Variants in FBXL7 observed in about 807,000 individuals in gnomAD.
The protein encoded by FBXL7 is F-box/LRR-repeat protein 7.
FBXL7 carries 12 observed loss-of-function variants against 38.3 expected under a neutral mutation model. The ratio of observed to expected loss-of-function variants is 0.31; its 90% CI spans 0.20 to 0.51. FBXL7 has a LOEUF of 0.51. FBXL7 is among the 20% of genes least tolerant of loss of function. FBXL7 has a pLI of 0.98. For missense variants in FBXL7, 567 were observed against 676.4 expected (o/e 0.84, Z 1.79); for synonymous variants, 297 against 300.9 (o/e 0.99, Z 0.13).
At chr5:15,608,597 T>G (rs559086093) in intron 1 of FBXL7, among the ~76,000 whole-genome samples, 1 of 152,210 alleles carries the variant, frequency 6.6e-6, no homozygotes, top group East Asian at 1.9e-4. Flanking sequence ...GGACTTTAAG[T>G]AAAGGAGATT....
chr5:15,703,201 A>C (rs954524257), intron 2 of FBXL7, among the ~76,000 whole-genome samples: 3 of 152,216 alleles, frequency 2.0e-5, no homozygotes, highest in African/African-American at 4.8e-5. Flanking sequence ...AATACTGCTA[A>C]ATGGAGCTTA....
At position 15,624,936 on chromosome 5, in the gene FBXL7, CTT is replaced by C. The variant is rs1185582185; in HGVS notation, c.127+8865_127+8866del. Among the ~76,000 whole-genome samples, 28 of 150,054 alleles carry C rather than the reference CTT, an allele frequency of 1.9e-4. 1 individual carries two copies. The highest frequency in any genetic ancestry group is 1.5e-5 in the Non-Finnish European group (1 of 67,788). ...GTCTGGCTTCTTGATCTCTCTCTCTCTTGCTTCCTCTCTTGCCACTTGATCTC... is the reference window on the plus strand; with the variant it reads ...GTCTGGCTTCTTGATCTCTCTCTCTCGCTTCCTCTCTTGCCACTTGATCTC... On this transcript the variant is annotated intron_variant, in intron 2 of 3. Transcript: ENST00000504595.
intron 1 of FBXL7, among the ~76,000 whole-genome samples, chr5:15,549,036 T>G (rs1737992949): frequency 6.6e-6 from 1 of 152,116 alleles, no homozygotes; most frequent in South Asian, 2.1e-4. Flanking sequence ...GTGGGCAAAA[T>G]ATGGGGGAGG....
At chr5:15,663,262 A>G (rs1419349194) in intron 2 of FBXL7, among the ~76,000 whole-genome samples, 8 of 152,054 alleles carry the variant, frequency 5.3e-5, no homozygotes, top group East Asian at 1.9e-4. Flanking sequence ...TTTTGTGGCA[A>G]TCATGAATGG....
intron 1 of FBXL7, among the ~76,000 whole-genome samples, chr5:15,556,270 A>G (rs1738237255): frequency 6.6e-6 from 1 of 152,048 alleles, no homozygotes; most frequent in African/African-American, 2.4e-5. Context: ...AGGAGTCCTA[A>G]TGGTGTAACT....
At chr5:15,914,385 C>CA (rs57871930) in intron 2 of FBXL7, among the ~76,000 whole-genome samples, 1,687 of 81,422 alleles carry the variant, frequency 0.021, 28 homozygotes, top group African/African-American at 0.06. Context: ...GACTCCCTCT[C>CA]AAAAAAAAAA....
chr5:15,917,809 C>T (rs1741635366), intron 2 of FBXL7, among the ~76,000 whole-genome samples: 1 of 148,916 alleles, frequency 6.7e-6, no homozygotes, highest in Non-Finnish European at 1.5e-5. Flanking sequence ...GGGACATCAG[C>T]AAATGTTTAA....
At position 15,936,956 on chromosome 5, in the gene FBXL7, T is replaced by C; in HGVS notation, c.1246T>C (p.Ser416Pro). 1 of 1,614,044 alleles carries C rather than the reference T, an allele frequency of 6.2e-7. No individual in the cohort carries two copies. Among genetic ancestry groups the C allele is most frequent in the Non-Finnish European group, 8.5e-7 (1 of 1,179,908 alleles). Residue 416 changes from serine (S) to proline (P), a missense_variant, in exon 4 of 4, where the codon TCC becomes CCC. Transcript: ENST00000504595. This position sits in a 1 kb window ranked among gnomAD's most constrained non-coding sequence, Gnocchi z 6.0. The part of the protein sequence containing the change: ...SLDIGKCPLV[S>P]DTGLECLALN... ...GGATATCGGCAAATGCCCTTTGGTATCCGACACGGGCCTGGAGTGCCTGGC... is the reference window on the plus strand; with the variant it reads ...GGATATCGGCAAATGCCCTTTGGTACCCGACACGGGCCTGGAGTGCCTGGC...
At chr5:15,689,350 C>G (rs1050295767) in intron 2 of FBXL7, among the ~76,000 whole-genome samples, 1 of 150,942 alleles carries the variant, frequency 6.6e-6, no homozygotes, top group Non-Finnish European at 1.5e-5. Context: ...ATTTCTACCT[C>G]CTTAGGTTAT....
intron 1 of FBXL7, among the ~76,000 whole-genome samples, chr5:15,533,307 G>A (rs879243739): frequency 3.9e-5 from 6 of 152,124 alleles, no homozygotes; most frequent in Admixed American, 3.9e-4. Context: ...TGATTGACTC[G>A]TGGGGACAAA....
intron 1 of FBXL7, among the ~76,000 whole-genome samples, chr5:15,520,939 C>G (rs1316989940): frequency 6.6e-6 from 1 of 152,094 alleles, no homozygotes; most frequent in East Asian, 1.9e-4. Context: ...TGTAAATGAC[C>G]TAGTTCAGTA....
chr5:15,529,512 A>G (rs927945953), intron 1 of FBXL7, among the ~76,000 whole-genome samples: 4 of 151,698 alleles, frequency 2.6e-5, no homozygotes, highest in Admixed American at 1.3e-4. Flanking sequence ...CAGCCTCCCG[A>G]GTAGCTGGGA....
rs78045052 is a variant in FBXL7 at position 15,579,181 on chromosome 5, C to A, written c.38-36802C>A. 3.5e-3 allele frequency among the ~76,000 whole-genome samples: 534 copies of A among 152,274 alleles called. 8 individuals carry two copies. The highest frequency in any genetic ancestry group is 0.012 in the African/African-American group (504 of 41,536). The stretch of plus-strand genomic sequence containing the variant: ...GGGAGGAAAGCGGTGCTGTTTCTTA[C>A]CTTCATGGAAACACGTAGGAAGAGG... On this transcript the variant is annotated intron_variant, in intron 1 of 3. Coordinates refer to ENST00000504595, the MANE Select transcript of FBXL7 (RefSeq NM_012304.5).
chr5:15,712,862 G>A (rs1561096096), intron 2 of FBXL7, among the ~76,000 whole-genome samples: 1 of 151,998 alleles, frequency 6.6e-6, no homozygotes, highest in African/African-American at 2.4e-5. Flanking sequence ...CAGACTAATA[G>A]CCCACCAACA....
At chr5:15,678,856 C>T (rs1231965566) in intron 2 of FBXL7, among the ~76,000 whole-genome samples, 1 of 152,188 alleles carries the variant, frequency 6.6e-6, no homozygotes, top group African/African-American at 2.4e-5. Flanking sequence ...ATCTCTTTCT[C>T]TATATAAATT....
intron 1 of FBXL7, among the ~76,000 whole-genome samples, chr5:15,540,055 A>G (rs1238730176): frequency 7.9e-5 from 12 of 151,576 alleles, no homozygotes; most frequent in Non-Finnish European, 1.8e-4. Flanking sequence ...GATATAGGAC[A>G]GTTTTGGGGT....
chr5:15,602,670 A>G (rs1255343145), intron 1 of FBXL7, among the ~76,000 whole-genome samples: 1 of 152,114 alleles, frequency 6.6e-6, no homozygotes, highest in Non-Finnish European at 1.5e-5. Context: ...TAGTATTTGT[A>G]TGTTGGTCAA....
chr5:15,683,004 C>T (rs559700076), intron 2 of FBXL7, among the ~76,000 whole-genome samples: 1 of 152,288 alleles, frequency 6.6e-6, no homozygotes, highest in South Asian at 2.1e-4. Flanking sequence ...CCCTAATTAT[C>T]CCCTGTAATG....
chr5:15,779,037 G>C (rs1192436666), intron 2 of FBXL7, among the ~76,000 whole-genome samples: 1 of 151,960 alleles, frequency 6.6e-6, no homozygotes, highest in African/African-American at 2.4e-5. Flanking sequence ...ACTGATAATT[G>C]TCATTACAGT....
Sources: allele counts gnomAD v4.1 joint callset (sites outside exome capture counted in the v4.1 genomes callset), GRCh38; gene constraint gnomAD v4.1.1; non-coding constraint Gnocchi (gnomAD v3.1); transcripts MANE v1.5; gene names NCBI Gene and HGNC (gene_info 2026-07-23, HGNC 2026-07-21).